The following TACR1 variants were observed in gnomAD, a reference collection of about 807,000 sequenced individuals.
TACR1 encodes tachykinin receptor 1.
Under a neutral mutation model 35.8 loss-of-function variants are expected in TACR1, and 25 were observed. That is an observed-to-expected ratio of 0.70 (90% CI 0.51 to 0.98). The LOEUF (loss-of-function observed/expected upper bound fraction) is 0.98, where lower values mean the gene tolerates loss of function less well. TACR1 is among the 50% of genes least tolerant of loss of function. The pLI is 0.00. For synonymous variants in TACR1, 195 were observed against 206.7 expected (o/e 0.94, Z 0.48); for missense variants, 478 against 522.9 (o/e 0.91, Z 0.84).
At chr2:75,107,206 CAT>C (rs1673667852) in intron 2 of TACR1, among the ~76,000 whole-genome samples, 1 of 151,820 alleles carries the variant, frequency 6.6e-6, no homozygotes, top group South Asian at 2.1e-4. Flanking sequence ...TGAAAACAAA[CAT>C]ATCTTCAGCA....
chr2:75,079,562 CA>C (rs1309651286), intron 2 of TACR1, among the ~76,000 whole-genome samples: 1 of 152,134 alleles, frequency 6.6e-6, no homozygotes, highest in African/African-American at 2.4e-5. Flanking sequence ...GTGCTATCTC[CA>C]GGCACCATGG....
At chr2:75,080,759 G>T (rs1317751537) in intron 2 of TACR1, among the ~76,000 whole-genome samples, 1 of 152,040 alleles carries the variant, frequency 6.6e-6, no homozygotes, top group Non-Finnish European at 1.5e-5. Context: ...AGAAATAACT[G>T]GTGTGAAAAT....
intron 1 of TACR1, among the ~76,000 whole-genome samples, chr2:75,122,267 G>C (rs1242598034): frequency 6.6e-6 from 1 of 152,126 alleles, no homozygotes; most frequent in East Asian, 1.9e-4. Flanking sequence ...CTGGATTTGG[G>C]GTGAGTCTGC....
At chr2:75,188,196 T>C (rs1339962863) in intron 1 of TACR1, 3 of 152,208 alleles carry the variant, frequency 2.0e-5, no homozygotes, top group African/African-American at 7.2e-5. Flanking sequence ...TAGAAGAGTA[T>C]CTCAGTTGTT....
At chr2:75,103,644 A>T (rs1433562004) in intron 2 of TACR1, among the ~76,000 whole-genome samples, 1 of 152,206 alleles carries the variant, frequency 6.6e-6, no homozygotes, top group Non-Finnish European at 1.5e-5. Flanking sequence ...CAAAGAATTT[A>T]TGTAGCTACT....
At chr2:75,118,581 C>A (rs1202050915) in intron 2 of TACR1, among the ~76,000 whole-genome samples, 1 of 152,152 alleles carries the variant, frequency 6.6e-6, no homozygotes, top group Admixed American at 6.5e-5. Flanking sequence ...AAAATTAAGA[C>A]TCCCCCAAAA....
chr2:75,083,239 T>C (rs1212759204), intron 2 of TACR1, among the ~76,000 whole-genome samples: 6 of 152,336 alleles, frequency 3.9e-5, no homozygotes, highest in Middle Eastern at 6.8e-3. Context: ...TGGTTGTAGA[T>C]GTGTGGTATT....
intron 2 of TACR1, among the ~76,000 whole-genome samples, chr2:75,075,701 A>C (rs1190175762): frequency 6.6e-6 from 1 of 152,256 alleles, no homozygotes; most frequent in African/African-American, 2.4e-5. Flanking sequence ...GTGTTTAAAC[A>C]GCAACAATAA....
At chr2:75,154,410 G>GCGCA (rs1166779798) in intron 1 of TACR1, 17 of 75,422 alleles carry the variant, frequency 2.3e-4, no homozygotes, top group Admixed American at 5.9e-4. Flanking sequence ...GAGCGCGCAC[G>GCGCA]CACACACACA....
At chr2:75,080,163 G>C (rs1673056463) in intron 2 of TACR1, among the ~76,000 whole-genome samples, 2 of 152,170 alleles carry the variant, frequency 1.3e-5, no homozygotes. Context: ...TTCTAATTAA[G>C]TTGGTGTAAA....
chr2:75,054,704 CT>C (rs1672538776), intron 2 of TACR1, among the ~76,000 whole-genome samples: 1 of 151,788 alleles, frequency 6.6e-6, no homozygotes, highest in African/African-American at 2.4e-5. Context: ...AGTTACAGCC[CT>C]TTTCTTAGAT....
intron 1 of TACR1, among the ~76,000 whole-genome samples, chr2:75,170,401 C>T (rs1675248533): frequency 6.6e-6 from 1 of 152,162 alleles, no homozygotes; most frequent in Non-Finnish European, 1.5e-5. Context: ...AACCTCTTTC[C>T]TTTATAAATT....
chr2:75,137,710 C>T (rs12713832), intron 1 of TACR1, among the ~76,000 whole-genome samples: 53,358 of 121,678 alleles, frequency 0.44, 11,934 homozygotes, highest in Middle Eastern at 0.54. Flanking sequence ...GCCTGGGCGA[C>T]AGAGAGAGTC....
At chr2:75,074,457 G>A (rs1183279809) in intron 2 of TACR1, among the ~76,000 whole-genome samples, 1 of 152,174 alleles carries the variant, frequency 6.6e-6, no homozygotes, top group Non-Finnish European at 1.5e-5. Flanking sequence ...CCTACAGCAT[G>A]TGGCTCATTC....
At chr2:75,090,506 A>G (rs1033244495) in intron 2 of TACR1, among the ~76,000 whole-genome samples, 3 of 152,190 alleles carry the variant, frequency 2.0e-5, no homozygotes, top group African/African-American at 7.2e-5. Flanking sequence ...TGCACCAAAC[A>G]TTCCTTTCTA....
intron 1 of TACR1, among the ~76,000 whole-genome samples, chr2:75,155,376 T>TCCTCTTTTTCCTGTCTCCCCCTCC (rs1674820121): frequency 6.6e-6 from 1 of 152,134 alleles, no homozygotes; most frequent in African/African-American, 2.4e-5. Context: ...TCTTCTCCTC[T>TCCTCTTTTTCCTGTCTCCCCCTCC]CCTCTTTTTC....
intron 2 of TACR1, among the ~76,000 whole-genome samples, chr2:75,094,859 A>ATATTTTTT: frequency 3.5e-5 from 4 of 113,128 alleles, no homozygotes; most frequent in African/African-American, 1.9e-4. Flanking sequence ...ATATATATAT[A>ATATTTTTT]TTTTTTTTTT....
At chr2:75,149,272 G>A (rs1674613755) in intron 1 of TACR1, among the ~76,000 whole-genome samples, 1 of 151,990 alleles carries the variant, frequency 6.6e-6, no homozygotes, top group South Asian at 2.1e-4. Flanking sequence ...TTCTAATTCT[G>A]TGAAGAATGT....
chr2:75,107,285 T>C (rs1673668863), intron 2 of TACR1, among the ~76,000 whole-genome samples: 1 of 151,946 alleles, frequency 6.6e-6, no homozygotes, highest in Admixed American at 6.6e-5. Context: ...ATGAAAGATT[T>C]TAAGGTATCA....
Sources: gnomAD v4.1 joint callset for allele counts (sites outside exome capture counted in the v4.1 genomes callset) on GRCh38, gnomAD v4.1.1 for gene constraint, MANE v1.5 for transcripts, NCBI Gene and HGNC (gene_info 2026-07-23, HGNC 2026-07-21) for gene names.